RAP1GAP2: variants seen among roughly 807,000 people sequenced by gnomAD.
RAP1GAP2 encodes the protein RAP1 GTPase activating protein 2.
A neutral mutation model predicts 95.0 loss-of-function variants in RAP1GAP2; 27 were observed. The ratio of observed to expected loss-of-function variants is 0.28; its 90% CI spans 0.21 to 0.39. RAP1GAP2 has a LOEUF of 0.39. Among genes scored for constraint, RAP1GAP2 ranks in the 10% least tolerant of loss-of-function variants. The pLI is 1.00. For missense variants in RAP1GAP2, 771 were observed against 970.0 expected, an observed-to-expected ratio of 0.79 and a Z score of 2.72; for synonymous variants, 373 against 380.9, an observed-to-expected ratio of 0.98 and a Z score of 0.24.
intron 3 of RAP1GAP2, among the ~76,000 whole-genome samples, chr17:2,905,993 C>T (rs2042186424): frequency 6.6e-6 from 1 of 152,236 alleles, no homozygotes; most frequent in Non-Finnish European, 1.5e-5. Context: ...CAGTCCGACG[C>T]CTCGGCAGGA....
rs117271861 is a variant in RAP1GAP2, at chr17:2,901,303, C to T, written c.81-3981C>T. 3.7e-4 allele frequency among the ~76,000 whole-genome samples: 56 copies of T among 152,328 alleles called. 1 individual carries two copies. The East Asian group carries it at 9.8e-3, about 27-fold the overall frequency. ...CTCTGACCTGCCCTTCCAGCCTGCC[C>T]TTGCCACCCTTCTCTTTGAACTGAG... On this transcript the variant is annotated intron_variant, in intron 2 of 24. Coordinates refer to ENST00000254695, the MANE Select transcript of RAP1GAP2 (RefSeq NM_015085.5).
At chr17:2,929,576 C>T (rs1015183614) in intron 3 of RAP1GAP2, among the ~76,000 whole-genome samples, 19 of 152,114 alleles carry the variant, frequency 1.2e-4, no homozygotes, top group African/African-American at 3.9e-4. Context: ...GGCATCAACA[C>T]GGGGAGCAGG....
At chr17:2,763,280 G>T (rs988801305) in intron 1 of RAP1GAP2, among the ~76,000 whole-genome samples, 1 of 152,186 alleles carries the variant, frequency 6.6e-6, no homozygotes, top group Non-Finnish European at 1.5e-5. Context: ...AAGACCAGAG[G>T]GCTGTGTAAG....
At chr17:2,843,374 C>G (rs1337832809) in intron 2 of RAP1GAP2, among the ~76,000 whole-genome samples, 1 of 151,914 alleles carries the variant, frequency 6.6e-6, no homozygotes, top group East Asian at 1.9e-4. Flanking sequence ...CAACCTCCAC[C>G]TCCTGGGTTC....
At chr17:2,969,179 C>CTATCTATCTATCTATCTATCTATA (rs1555581850) in intron 8 of RAP1GAP2, among the ~76,000 whole-genome samples, 18 of 143,224 alleles carry the variant, frequency 1.3e-4, no homozygotes, top group East Asian at 4.3e-4. Flanking sequence ...ATCTATCTAT[C>CTATCTATCTATCTATCTATCTATA]TATATATATA....
upstream of RAP1GAP2, among the ~76,000 whole-genome samples, chr17:2,773,405 T>C (rs1199681744): frequency 6.6e-6 from 1 of 152,172 alleles, no homozygotes; most frequent in African/African-American, 2.4e-5. Flanking sequence ...CAGCAAGCAA[T>C]TGTTCTTTCT....
chr17:2,947,692 T>C (rs2043753836), intron 3 of RAP1GAP2, among the ~76,000 whole-genome samples: 1 of 151,932 alleles, frequency 6.6e-6, no homozygotes, highest in African/African-American at 2.4e-5. Flanking sequence ...GCTTGCCCTG[T>C]GGATGGGGAC....
At chr17:2,794,870 CTTTTTTTTTTTTTT>C (rs148825285), upstream of RAP1GAP2, among the ~76,000 whole-genome samples, 2 of 57,934 alleles carry the variant, frequency 3.5e-5, no homozygotes, top group Non-Finnish European at 6.6e-5. Flanking sequence ...CGTTTTTTTC[CTTTTTTTTTTTTTT>C]TTTTTTTTTG....
chr17:3,011,136 C>A (rs1332483853), intron 17 of RAP1GAP2, among the ~76,000 whole-genome samples: 1 of 152,146 alleles, frequency 6.6e-6, no homozygotes, highest in Non-Finnish European at 1.5e-5. Flanking sequence ...CCATGTTGGC[C>A]AGGCTGGTCT....
intron 17 of RAP1GAP2, among the ~76,000 whole-genome samples, chr17:3,014,032 G>A (rs1302744444): frequency 6.6e-6 from 1 of 152,226 alleles, no homozygotes; most frequent in Non-Finnish European, 1.5e-5. Flanking sequence ...TACGTCCTGA[G>A]AAATGACGGG....
chr17:2,965,994 T>G lies in RAP1GAP2; in HGVS notation c.596+351T>G. On this transcript the variant is annotated intron_variant, in intron 8 of 24. Transcript: ENST00000254695. The surrounding 1 kb of genome is among the most constrained non-coding windows in gnomAD (Gnocchi z 4.7). ...CATCCTGCTGAGACACAGCTCCGAG[T>G]CCTGGGAGAGGGTTCGCCAGAGTGC... 3.9e-6 allele frequency: 1 copy of G among 259,720 alleles called. No homozygotes were observed. The highest frequency in any genetic ancestry group is 7.5e-6 in the Non-Finnish European group (1 of 133,414). 16.1% of individuals were successfully genotyped at this position (259,720 alleles called of 1,614,324 possible). A position where few individuals can be genotyped will look rare whatever the true frequency, so the allele number is the denominator to read the frequency against.
intron 1 of RAP1GAP2, among the ~76,000 whole-genome samples, chr17:2,777,970 G>C (rs2068543824): frequency 7.6e-6 from 1 of 132,028 alleles, no homozygotes; most frequent in Admixed American, 7.4e-5. Flanking sequence ...GGGAGGCGGG[G>C]AGGCTGGGAG....
intron 2 of RAP1GAP2, among the ~76,000 whole-genome samples, chr17:2,882,692 G>A (rs981068105): frequency 2.0e-5 from 3 of 152,192 alleles, no homozygotes; most frequent in Non-Finnish European, 4.4e-5. Flanking sequence ...CCTGGAGAAT[G>A]GGTTGCTCAG....
At chr17:2,812,590 G>C (rs956357628) in intron 2 of RAP1GAP2, among the ~76,000 whole-genome samples, 1 of 149,942 alleles carries the variant, frequency 6.7e-6, no homozygotes, top group East Asian at 1.9e-4. Context: ...GTGGGGGGCT[G>C]TCTTTGGGTC....
intron 8 of RAP1GAP2, among the ~76,000 whole-genome samples, chr17:2,969,179 C>CTATCTATCTATCTATCTA (rs1555581850): frequency 1.8e-4 from 26 of 143,218 alleles, no homozygotes; most frequent in East Asian, 6.5e-4. Context: ...ATCTATCTAT[C>CTATCTATCTATCTATCTA]TATATATATA....
At chr17:2,869,759 G>A (rs12325765) in intron 2 of RAP1GAP2, among the ~76,000 whole-genome samples, 157 of 152,318 alleles carry the variant, frequency 1.0e-3, no homozygotes, top group African/African-American at 3.5e-3. Flanking sequence ...CACCTTCTGC[G>A]AGCTCCCTTC....
chr17:2,871,041 C>T lies in RAP1GAP2; in HGVS notation c.81-34243C>T, dbSNP rs180790656. Among the ~76,000 whole-genome samples, 123 of 152,312 alleles carry T rather than the reference C, an allele frequency of 8.1e-4. No homozygotes were observed. The highest frequency in any genetic ancestry group is 2.9e-3 in the African/African-American group (119 of 41,562). On this transcript the variant is annotated intron_variant, in intron 2 of 24. Transcript: ENST00000254695. This position sits in a 1 kb window ranked among gnomAD's most constrained non-coding sequence, Gnocchi z 5.0. ...TGCGATCTTGGCTTACTGCAACCTC[C>T]GCCTCCTGGGTTCAAGTGATTCTCC...
chr17:2,908,450 A>G (rs1227446003), intron 3 of RAP1GAP2, among the ~76,000 whole-genome samples: 1 of 152,144 alleles, frequency 6.6e-6, no homozygotes, highest in Non-Finnish European at 1.5e-5. Context: ...ATGGCAGGGA[A>G]CAGAGTGGAG....
rs2042289110 is a variant in RAP1GAP2 at position 2,909,107 on chromosome 17, T to C, written c.165+3739T>C. Among the ~76,000 whole-genome samples, 3 of 152,034 alleles carry C rather than the reference T, an allele frequency of 2.0e-5. 1 individual carries two copies. In the South Asian group the frequency reaches 6.2e-4, roughly 32 times the overall value. On this transcript the variant is annotated intron_variant, in intron 3 of 24. Coordinates refer to ENST00000254695, the MANE Select transcript of RAP1GAP2 (RefSeq NM_015085.5). Reference sequence around the variant, plus strand: ...GGAGCCCTTCTCCTAGAGAAGGGAATGGAAGCTTTGGGATGAGTGAGCTCT... The same window carrying C: ...GGAGCCCTTCTCCTAGAGAAGGGAACGGAAGCTTTGGGATGAGTGAGCTCT...
Sources: gnomAD v4.1 joint callset for allele counts (sites outside exome capture counted in the v4.1 genomes callset) on GRCh38, gnomAD v4.1.1 for gene constraint, Gnocchi (gnomAD v3.1) non-coding constraint, MANE v1.5 for transcripts, NCBI Gene and HGNC (gene_info 2026-07-23, HGNC 2026-07-21) for gene names.